PRDM16: variants seen among roughly 807,000 people sequenced by gnomAD.
PRDM16 encodes PR/SET domain 16.
PRDM16 carries 23 observed loss-of-function variants against 110.6 expected under a neutral mutation model. That is an observed-to-expected ratio of 0.21 (90% CI 0.15 to 0.29). The LOEUF (loss-of-function observed/expected upper bound fraction) is 0.29. Ranked by LOEUF, PRDM16 falls within the 10% of genes least tolerant of loss-of-function variation. The pLI, the probability that PRDM16 is intolerant of heterozygous loss-of-function variation, is 1.00. For missense variants in PRDM16, 1,615 were observed against 1,794.3 expected (o/e 0.90, Z 1.81); for synonymous variants, 799 against 781.8 (o/e 1.02, Z -0.37).
At position 3,411,985 on chromosome 1, in the gene PRDM16, C is replaced by T. The variant is rs766972389; in HGVS notation, c.1788C>T (p.Ser596=). 24 of 1,613,534 alleles carry T rather than the reference C, an allele frequency of 1.5e-5. No homozygotes were observed. The highest frequency in any genetic ancestry group is 2.0e-5 in the Non-Finnish European group (24 of 1,179,994). The change falls in exon 9 of 17, where the codon AGC becomes AGT. Residue 596 remains serine (S), a synonymous_variant. Coordinates refer to ENST00000270722, the MANE Select transcript of PRDM16 (RefSeq NM_022114.4). ...TGGAGAAGCTGAAGACCAGGAGCAGCGACATGTCGGACGGCAGTGACTTTG... is the reference window on the plus strand; with the variant it reads ...TGGAGAAGCTGAAGACCAGGAGCAGTGACATGTCGGACGGCAGTGACTTTG... ...SCVEKLKTRS[S]DMSDGSDFED...
Position 3,081,831 on chromosome 1 carries a change from C to T in PRDM16, c.37+12535C>T, listed in dbSNP as rs1642036549. ...CAAGGGAGACCACCTCCTTGCTGCC[C>T]TGACTAAACACCAGCTTTGCAAAAG... is the stretch of plus-strand genomic sequence containing the variant. On this transcript the variant is annotated intron_variant, in intron 1 of 16. Transcript: ENST00000270722. This position sits in a 1 kb window ranked among gnomAD's most constrained non-coding sequence, Gnocchi z 4.6. Among the ~76,000 whole-genome samples the T allele has an allele frequency of 6.6e-6, 1 of 152,080 alleles. No individual in the cohort carries two copies.
At chr1:3,099,645 G>A (rs1317465704) in intron 1 of PRDM16, among the ~76,000 whole-genome samples, 16 of 152,226 alleles carry the variant, frequency 1.1e-4, no homozygotes, top group Non-Finnish European at 1.5e-5. Context: ...CGTGCCGAGT[G>A]CAGTGGGTCA....
At chr1:3,108,320 G>A (rs1003977739) in intron 1 of PRDM16, among the ~76,000 whole-genome samples, 2 of 152,194 alleles carry the variant, frequency 1.3e-5, no homozygotes, top group Non-Finnish European at 2.9e-5. Context: ...GAATTTTTAT[G>A]TATGGTGTGA....
chr1:3,268,264 G>C (rs1257866834), intron 3 of PRDM16, among the ~76,000 whole-genome samples: 2 of 152,234 alleles, frequency 1.3e-5, no homozygotes, highest in Admixed American at 1.3e-4. Context: ...ATCCACGGGG[G>C]AAGGAGAAGG....
chr1:3,238,851 G>GT (rs1196015233), intron 2 of PRDM16, among the ~76,000 whole-genome samples: 3 of 152,252 alleles, frequency 2.0e-5, no homozygotes, highest in Non-Finnish European at 4.4e-5. Flanking sequence ...CCAGACTCGA[G>GT]TGCGGGCGCT....
intron 1 of PRDM16, among the ~76,000 whole-genome samples, chr1:3,120,257 C>A (rs541831357): frequency 3.2e-4 from 48 of 152,352 alleles, no homozygotes; most frequent in African/African-American, 1.2e-3. Flanking sequence ...CCACAAAGAT[C>A]GCGTGTCCTC....
chr1:3,292,266 T>G (rs12757342), intron 3 of PRDM16, among the ~76,000 whole-genome samples: 9,041 of 152,268 alleles, frequency 0.059, 493 homozygotes, highest in Admixed American at 0.18. Flanking sequence ...CTTGTCTTAT[T>G]ATGCTGCAAA....
intron 6 of PRDM16, 140 bp downstream of exon 6, chr1:3,403,138 C>CA: frequency 1.3e-6 from 1 of 795,138 alleles, no homozygotes; most frequent in Non-Finnish European, 2.1e-6. Flanking sequence ...AAAGGGCCCC[C>CA]TGGTGGGACA....
intron 1 of PRDM16, among the ~76,000 whole-genome samples, chr1:3,100,293 C>T (rs948731976): frequency 1.3e-5 from 2 of 152,194 alleles, no homozygotes; most frequent in South Asian, 2.1e-4. Flanking sequence ...ATCACAGACC[C>T]GTTCGCTCTT....
At position 3,175,983 on chromosome 1, in the gene PRDM16, G is replaced by GCAGCCAGC. The variant is rs77977474; in HGVS notation, c.38-10119_38-10112dup. On this transcript the variant is annotated intron_variant, in intron 1 of 16. Coordinates refer to ENST00000270722, the MANE Select transcript of PRDM16 (RefSeq NM_022114.4). This position sits in a 1 kb window ranked among gnomAD's most constrained non-coding sequence, Gnocchi z 4.8. ...TCCACTCACTCACCCATCCATCCAT[G>GCAGCCAGC]CAGCCAGCCAGCCAGCCAGCCAGCC... 8.0e-5 allele frequency among the ~76,000 whole-genome samples: 10 copies of GCAGCCAGC among 124,936 alleles called. No individual in the cohort carries two copies. Among genetic ancestry groups the GCAGCCAGC allele is most frequent in the South Asian group, 2.8e-4 (1 of 3,622 alleles). The allele number at this position is 124,936 out of a possible 152,430, so 82.0% of individuals were successfully genotyped here.
chr1:3,409,863 TTGTG>T (rs1174021658), intron 8 of PRDM16, among the ~76,000 whole-genome samples: 1 of 101,052 alleles, frequency 9.9e-6, no homozygotes, highest in South Asian at 3.3e-4. Flanking sequence ...TGTGTGGTGT[TTGTG>T]TGCATGTGTG....
intron 3 of PRDM16, among the ~76,000 whole-genome samples, chr1:3,270,197 A>G (rs928608273): frequency 4.7e-5 from 7 of 148,330 alleles, no homozygotes; most frequent in Admixed American, 2.7e-4. Context: ...CGGGGAAGAC[A>G]GTCCCGGAGG....
chr1:3,137,905 A>G (rs1643473296), intron 1 of PRDM16, among the ~76,000 whole-genome samples: 1 of 152,148 alleles, frequency 6.6e-6, no homozygotes, highest in Non-Finnish European at 1.5e-5. Context: ...AGGGCCAGGC[A>G]CCCATTTGTG....
chr1:3,404,967 C>T, intron 7 of PRDM16, 81 bp downstream of exon 7: 1 of 1,477,652 alleles, frequency 6.8e-7, no homozygotes, highest in Non-Finnish European at 9.1e-7. Flanking sequence ...CTCCCTACAC[C>T]CCCTGGTCCA....
intron 1 of PRDM16, among the ~76,000 whole-genome samples, chr1:3,142,239 T>C (rs1412429423): frequency 6.6e-6 from 1 of 152,264 alleles, no homozygotes; most frequent in African/African-American, 2.4e-5. Flanking sequence ...CAAGACCTTT[T>C]GATTTCTAGA....
chr1:3,350,606 G>A lies in PRDM16; in HGVS notation c.439-34546G>A, dbSNP rs1011010333. Among the ~76,000 whole-genome samples, 3 of 152,104 alleles carry A rather than the reference G, an allele frequency of 2.0e-5. No homozygotes were observed. Among genetic ancestry groups the A allele is most frequent in the Non-Finnish European group, 2.9e-5 (2 of 67,988 alleles). On this transcript the variant is annotated intron_variant, in intron 3 of 16. Transcript: ENST00000270722. This position sits in a 1 kb window ranked among gnomAD's most constrained non-coding sequence, Gnocchi z 7.1. ...TGTGGGCGGGTGGAAAGCAGAGCTG[G>A]GAGCCAGCCCTGCCCGGCCAGGGCT... is the stretch of plus-strand genomic sequence containing the variant.
At chr1:3,306,119 T>G (rs1038906388) in intron 3 of PRDM16, among the ~76,000 whole-genome samples, 2 of 152,134 alleles carry the variant, frequency 1.3e-5, no homozygotes, top group African/African-American at 4.8e-5. Context: ...CTCCAGCACA[T>G]CACAAGCAAG....
chr1:3,324,034 C>A (rs1005342894), intron 3 of PRDM16, among the ~76,000 whole-genome samples: 1 of 152,184 alleles, frequency 6.6e-6, no homozygotes, highest in Admixed American at 6.5e-5. Flanking sequence ...CACCCTCCCT[C>A]CGTCTGGGTT....
intron 3 of PRDM16, among the ~76,000 whole-genome samples, chr1:3,363,986 G>A (rs953655180): frequency 2.2e-4 from 34 of 152,002 alleles, no homozygotes; most frequent in Admixed American, 2.0e-3. Flanking sequence ...GAGCCAGCCC[G>A]CTACGCACAC....
Sources: allele counts gnomAD v4.1 joint callset (sites outside exome capture counted in the v4.1 genomes callset), GRCh38; gene constraint gnomAD v4.1.1; non-coding constraint Gnocchi (gnomAD v3.1); transcripts MANE v1.5; gene names NCBI Gene and HGNC (gene_info 2026-07-23, HGNC 2026-07-21).